Variants in DHRSX observed in about 807,000 individuals in gnomAD.
The protein encoded by DHRSX is polyprenol dehydrogenase.
DHRSX carries 31 observed loss-of-function variants against 34.0 expected under a neutral mutation model. That is an observed-to-expected ratio of 0.91 (90% CI 0.69 to 1.23). The LOEUF (loss-of-function observed/expected upper bound fraction) is 1.23, where lower values mean the gene tolerates loss of function less well. Ranked by LOEUF, DHRSX falls within the 50% of genes most tolerant of loss-of-function variation. The pLI, the probability that DHRSX is intolerant of heterozygous loss-of-function variation, is 0.00. For missense variants in DHRSX, 414 were observed against 428.1 expected (o/e 0.97, Z 0.29); for synonymous variants, 201 against 183.8 (o/e 1.09, Z -0.76).
In DHRSX at chrX:2,222,861, T is replaced by A. The variant is rs762282363; in HGVS notation, c.805-1632A>T. Among the ~76,000 whole-genome samples, 12 of 152,302 alleles carry A rather than the reference T, an allele frequency of 7.9e-5. No homozygotes were observed. The East Asian group carries it at 2.3e-3, about 29-fold the overall frequency. ...GCAGCCAGTGTGACGTGGAAAGGCATGGTAGACAATCCAGTGTGCCCACCA... is the reference window on the plus strand; with the variant it reads ...GCAGCCAGTGTGACGTGGAAAGGCAAGGTAGACAATCCAGTGTGCCCACCA... On this transcript the variant is annotated intron_variant, in intron 6 of 6. Transcript: ENST00000334651.
chrX:2,297,629 G>A (rs1314716308), intron 3 of DHRSX, among the ~76,000 whole-genome samples: 2 of 152,078 alleles, frequency 1.3e-5, no homozygotes, highest in East Asian at 3.9e-4. Context: ...TTTTTTGTTT[G>A]TTAGCTTTTA....
chrX:2,313,541 G>A (rs1029156722), intron 3 of DHRSX, among the ~76,000 whole-genome samples: 1 of 151,804 alleles, frequency 6.6e-6, no homozygotes, highest in Non-Finnish European at 1.5e-5. Flanking sequence ...GCTAATTTTT[G>A]TATTTTTAGT....
intron 2 of DHRSX, among the ~76,000 whole-genome samples, chrX:2,409,120 G>T (rs1245619814): frequency 6.6e-6 from 1 of 152,182 alleles, no homozygotes; most frequent in African/African-American, 2.4e-5. Context: ...GCTGAGAATA[G>T]CATAAGCATA....
At chrX:2,469,484 C>T (rs1266253495) in intron 1 of DHRSX, among the ~76,000 whole-genome samples, 2 of 151,418 alleles carry the variant, frequency 1.3e-5, no homozygotes, top group African/African-American at 4.9e-5. Context: ...ACACTGAAGA[C>T]GCTCCCTAAG....
chrX:2,312,613 T>C (rs1336080705), intron 3 of DHRSX, among the ~76,000 whole-genome samples: 1 of 151,892 alleles, frequency 6.6e-6, no homozygotes, highest in Non-Finnish European at 1.5e-5. Context: ...TTAGGACAAA[T>C]ACCTAATGTA....
Position 2,340,064 on chromosome X carries a change from T to C in DHRSX, c.287-48461A>G, listed in dbSNP as rs1043780016. 4.6e-5 allele frequency among the ~76,000 whole-genome samples: 7 copies of C among 152,056 alleles called. No homozygotes were observed. The Admixed American group carries it at 4.6e-4, about 10-fold the overall frequency. ...TGACTTTTAATAAAGCTGGAAACCA[T>C]TCTTCTCAGCAAACTAACACAAGAA... On this transcript the variant is annotated intron_variant, in intron 3 of 6. Coordinates refer to ENST00000334651, the MANE Select transcript of DHRSX (RefSeq NM_145177.3).
chrX:2,289,615 C>T (rs1415157014), intron 4 of DHRSX, among the ~76,000 whole-genome samples: 1 of 152,188 alleles, frequency 6.6e-6, no homozygotes, highest in African/African-American at 2.4e-5. Context: ...AAGGGTGTTA[C>T]ACAGAACGAG....
chrX:2,304,469 T>C (rs147318220), intron 3 of DHRSX, among the ~76,000 whole-genome samples: 3,446 of 152,126 alleles, frequency 0.023, 112 homozygotes, highest in African/African-American at 0.078. Context: ...TGGACCCTTG[T>C]AGGGGGAGAT....
At chrX:2,490,822 C>T (rs778929474) in intron 1 of DHRSX, 46 of 1,489,690 alleles carry the variant, frequency 3.1e-5, no homozygotes, top group East Asian at 2.5e-4. Flanking sequence ...CAGGCACGCA[C>T]GGGAGCCCTG....
intron 1 of DHRSX, among the ~76,000 whole-genome samples, chrX:2,485,500 A>G: frequency 6.8e-6 from 1 of 146,846 alleles, no homozygotes; most frequent in South Asian, 2.3e-4. Context: ...GAGGAAGGAA[A>G]AAGGGATGGA....
At chrX:2,458,966 C>G (rs1258798482) in intron 1 of DHRSX, among the ~76,000 whole-genome samples, 2 of 151,742 alleles carry the variant, frequency 1.3e-5, no homozygotes, top group African/African-American at 2.4e-5. Flanking sequence ...ATAGCAAGAC[C>G]CCATCTCTAC....
Position 2,314,441 on chromosome X carries a change from G to A in DHRSX, c.287-22838C>T, listed in dbSNP as rs1408074017. On this transcript the variant is annotated intron_variant, in intron 3 of 6. Coordinates refer to ENST00000334651, the MANE Select transcript of DHRSX (RefSeq NM_145177.3). ...AGGAAGGAAGGGGAGAAGGGAGGAAGGAAGGGGAGAAGGGAGGAAGGAAGG... is the reference window on the plus strand; with the variant it reads ...AGGAAGGAAGGGGAGAAGGGAGGAAAGAAGGGGAGAAGGGAGGAAGGAAGG... 1.1e-4 allele frequency among the ~76,000 whole-genome samples: 13 copies of A among 119,166 alleles called. 1 individual carries two copies. Among genetic ancestry groups the A allele is most frequent in the African/African-American group, 5.8e-4 (12 of 20,662 alleles). The allele number at this position is 119,166 out of a possible 152,430, so 78.2% of individuals were successfully genotyped here. A position where few individuals can be genotyped will look rare whatever the true frequency, so the allele number is the denominator to read the frequency against.
intron 1 of DHRSX, among the ~76,000 whole-genome samples, chrX:2,484,750 A>C (rs941108259): frequency 2.6e-5 from 4 of 152,082 alleles, no homozygotes; most frequent in Non-Finnish European, 4.4e-5. Flanking sequence ...CACAGAGGGG[A>C]AAACAGTAGA....
chrX:2,472,099 C>A (rs1447634294), intron 1 of DHRSX, among the ~76,000 whole-genome samples: 1 of 145,858 alleles, frequency 6.9e-6, no homozygotes, highest in Non-Finnish European at 1.5e-5. Flanking sequence ...GAGCCGAGAT[C>A]ACACCATTGC....
rs928376249 is a variant in DHRSX at position 2,291,896 on chromosome X, A to ATTTT, written c.287-297_287-294dup. Among the ~76,000 whole-genome samples, 843 of 96,084 alleles carry ATTTT rather than the reference A, an allele frequency of 8.8e-3. 26 individuals carry two copies. The highest frequency in any genetic ancestry group is 0.013 in the Non-Finnish European group (620 of 47,542). The allele number at this position is 96,084 out of a possible 152,430, so 63.0% of individuals were successfully genotyped here. A position where few individuals can be genotyped will look rare whatever the true frequency, so the allele number is the denominator to read the frequency against. ...GCCCAGCTAATTTTTGTATTTTTGT[A>ATTTT]TTTTTTTTTTTTTTTTTTTTTTTAG... On this transcript the variant is annotated intron_variant, in intron 3 of 6. Transcript: ENST00000334651.
At chrX:2,433,599 C>G (rs1254059121) in intron 1 of DHRSX, among the ~76,000 whole-genome samples, 10 of 152,054 alleles carry the variant, frequency 6.6e-5, no homozygotes, top group Admixed American at 2.0e-4. Context: ...GTCCCCCTCC[C>G]TGCGTCCCTG....
chrX:2,461,463 T>G (rs918126194), intron 1 of DHRSX, among the ~76,000 whole-genome samples: 3 of 152,230 alleles, frequency 2.0e-5, no homozygotes, highest in African/African-American at 7.2e-5. Flanking sequence ...CACAACCTAC[T>G]AGCTCACGTA....
At chrX:2,321,871 A>G (rs762645766) in intron 3 of DHRSX, among the ~76,000 whole-genome samples, 3 of 152,230 alleles carry the variant, frequency 2.0e-5, no homozygotes, top group Admixed American at 2.0e-4. Flanking sequence ...GGTGAAGACG[A>G]TAAGGATGAA....
chrX:2,457,212 C>A (rs957622154), intron 1 of DHRSX, among the ~76,000 whole-genome samples: 1 of 152,078 alleles, frequency 6.6e-6, no homozygotes, highest in Admixed American at 6.6e-5. Context: ...GGCCAAGGGT[C>A]CACACTGAAG....
Sources: gnomAD v4.1 joint callset for allele counts (sites outside exome capture counted in the v4.1 genomes callset) on GRCh38, gnomAD v4.1.1 for gene constraint, MANE v1.5 for transcripts, NCBI Gene and HGNC (gene_info 2026-07-23, HGNC 2026-07-21) for gene names.